The following CLUH variants were observed in gnomAD, a reference collection of about 807,000 sequenced individuals.
The protein encoded by CLUH is CLUH binding protein of NUMT mRNA.
In CLUH, 77 loss-of-function variants were observed where a neutral mutation model predicts 139.3. That is an observed-to-expected ratio of 0.55 (90% CI 0.46 to 0.67). CLUH has a LOEUF of 0.67. Ranked by LOEUF, CLUH falls within the 30% of genes least tolerant of loss-of-function variation. The probability of loss-of-function intolerance (pLI) is 0.00; values close to 1 mark genes in which losing one functional copy is unlikely to be tolerated. For synonymous variants in CLUH, 999 were observed against 801.6 expected (o/e 1.25, Z -4.16); for missense variants, 1,876 against 1,875.8 (o/e 1.00, Z 0.00).
intron 17 of CLUH, 35 bp downstream of exon 17, chr17:2,694,423 AGGGACGCAGCGGGGACACAGCG>A (rs1421295371): frequency 5.9e-5 from 73 of 1,247,722 alleles, no homozygotes; most frequent in Middle Eastern, 4.9e-4. Context: ...AGCCTGCAGC[AGGGACGCAGCGGGGACACAGCG>A]GGGACACAGC....
rs893853870 is a variant in CLUH, at chr17:2,711,620, G to A, written c.42C>T (p.Ala14=). Residue 14 remains alanine (A), a synonymous_variant, in exon 1 of 26, where the codon GCC becomes GCT. Coordinates refer to ENST00000651024, the MANE Select transcript of CLUH (RefSeq NM_001366661.1). ...KTDELPAAAP[A]DSAREHGSQA... is the part of the protein sequence containing the mutation. ...GCGAGCCGTGTTCCCGGGCGCTGTC[G>A]GCCGGGGCGGCCGCCGGCAACTCGT... 1.0e-6 allele frequency: 1 copy of A among 983,838 alleles called. No homozygotes were observed. The highest frequency in any genetic ancestry group is 1.2e-6 in the Non-Finnish European group (1 of 829,502). 60.9% of individuals were successfully genotyped at this position (983,838 alleles called of 1,614,324 possible).
intron 13 of CLUH, 36 bp downstream of exon 13, chr17:2,696,123 C>T (rs1049437129): frequency 6.6e-7 from 1 of 1,504,306 alleles, no homozygotes; most frequent in Non-Finnish European, 9.0e-7. Flanking sequence ...GCACCCTCCA[C>T]ACAAGCCCCA....
In CLUH at chr17:2,704,562, G is replaced by C. The variant is rs751413151; in HGVS notation, c.103C>G (p.Leu35Val). The C allele has an allele frequency of 6.4e-7, 1 of 1,555,208 alleles. No individual in the cohort carries two copies. Among genetic ancestry groups the C allele is most frequent in the Non-Finnish European group, 8.7e-7 (1 of 1,150,368 alleles). The change falls in exon 2 of 26, where the codon CTG becomes GTG. Residue 35 changes from leucine (L) to valine (V), a missense_variant and splice_region_variant. Transcript: ENST00000651024. The surrounding 1 kb of genome is among the most constrained non-coding windows in gnomAD (Gnocchi z 5.7). The stretch of plus-strand genomic sequence containing the variant: ...CCGTTTAAGAGCATGACTGATGGCA[G>C]CTCTGCGGGTGACAAGAACGGGTCA... ...GGKGRPGAAE[L>V]PSVMLLNGDC...
At chr17:2,690,827 C>T (rs2069596821) in intron 25 of CLUH, 50 bp from the exon 26 acceptor site, 2 of 1,366,308 alleles carry the variant, frequency 1.5e-6, no homozygotes, top group Middle Eastern at 2.7e-4. Flanking sequence ...GTCCTGGGGG[C>T]TCCACCCGCC....
chr17:2,704,521 G>C lies in CLUH; in HGVS notation c.144C>G (p.Ser48Arg). Residue 48 changes from serine (S) to arginine (R), a missense_variant, in exon 2 of 26, where the codon AGC (serine) becomes AGG (arginine). Ser to Arg is a moderately radical substitution (Grantham distance 110). Coordinates refer to ENST00000651024, the MANE Select transcript of CLUH (RefSeq NM_001366661.1). The surrounding 1 kb of genome is among the most constrained non-coding windows in gnomAD (Gnocchi z 5.7). ...VMLLNGDCPE[S>R]LKKEAAAAEP... ...CGGCCGCCGCCGCCTCCTTCTTCAG[G>C]CTCTCTGGGCAGTCCCCGTTTAAGA... 1 of 1,580,918 alleles carries C rather than the reference G, an allele frequency of 6.3e-7. No homozygotes were observed. The highest frequency in any genetic ancestry group is 1.2e-5 in the South Asian group (1 of 86,524).
Position 2,701,668 on chromosome 17 carries a change from G to C in CLUH, c.689C>G (p.Pro230Arg), listed in dbSNP as rs2151714494. 6.2e-7 allele frequency: 1 copy of C among 1,600,720 alleles called. No individual in the cohort carries two copies. Among genetic ancestry groups the C allele is most frequent in the African/African-American group, 1.3e-5 (1 of 74,804 alleles). Residue 230 changes from proline to arginine, a missense_variant, in exon 5 of 26, where the codon CCA becomes CGA. Coordinates refer to ENST00000651024, the MANE Select transcript of CLUH (RefSeq NM_001366661.1). Reference sequence around the variant, plus strand: ...ACACAGTGGCCGCTCCCGGCTCCCTGGCAGGATGTACTCGGGTGGTGTGCA... The same window carrying C: ...ACACAGTGGCCGCTCCCGGCTCCCTCGCAGGATGTACTCGGGTGGTGTGCA... ...IDCTPPEYIL[P>R]GSRERPLCPL...
chr17:2,707,608 G>T lies in CLUH; in HGVS notation c.101-3044C>A. 1 of 985,376 alleles carries T rather than the reference G, an allele frequency of 1.0e-6. No homozygotes were observed. The allele number at this position is 985,376 out of a possible 1,614,324, so 61.0% of individuals were successfully genotyped here. On this transcript the variant is annotated intron_variant, in intron 1 of 25. Coordinates refer to ENST00000651024, the MANE Select transcript of CLUH (RefSeq NM_001366661.1). This position sits in a 1 kb window ranked among gnomAD's most constrained non-coding sequence, Gnocchi z 7.4. ...GTACCTGGACCCCTCAAGATTGAGGGCCTAGGAGACTGGCTGGCAGGGGCA... is the reference window on the plus strand; with the variant it reads ...GTACCTGGACCCCTCAAGATTGAGGTCCTAGGAGACTGGCTGGCAGGGGCA...
chr17:2,692,712 A>G lies in CLUH; in HGVS notation c.3313-16T>C. 6.2e-7 allele frequency: 1 copy of G among 1,608,580 alleles called. No homozygotes were observed. Among genetic ancestry groups the G allele is most frequent in the Non-Finnish European group, 8.5e-7 (1 of 1,177,058 alleles). On this transcript the variant is annotated splice_polypyrimidine_tract_variant and intron_variant, in intron 20 of 25. Transcript: ENST00000651024. ...CCAGGTGCATCTGCGGGCGGGGCGG[A>G]GACAGGTCAGGGTGGCCGCGGACCC...
intron 5 of CLUH, 22 bp downstream of exon 5, chr17:2,701,591 C>T (rs145263707): frequency 1.2e-6 from 2 of 1,610,580 alleles, no homozygotes; most frequent in Non-Finnish European, 1.7e-6. Flanking sequence ...GGACCCTCTT[C>T]CTCCCTCCCC....
Position 2,701,194 on chromosome 17 carries a change from A to G in CLUH, c.971T>C (p.Leu324Pro). 6.2e-7 allele frequency: 1 copy of G among 1,613,960 alleles called. No homozygotes were observed. The highest frequency in any genetic ancestry group is 8.5e-7 in the Non-Finnish European group (1 of 1,179,884). Reference protein sequence around the residue: ...RFLSHSLVELLNQISPTFKKN... With the variant: ...RFLSHSLVELPNQISPTFKKN... Reference sequence around the variant, plus strand: ...CTTGAAGGTCGGGCTGATCTGGTTGAGCAGCTCCACTAGGGAATGGCTTAG... The same window carrying G: ...CTTGAAGGTCGGGCTGATCTGGTTGGGCAGCTCCACTAGGGAATGGCTTAG... Residue 324 changes from leucine to proline, a missense_variant, in exon 7 of 26, where the codon CTC (leucine) becomes CCC (proline). Physicochemically the swap from Leu to Pro is moderately conservative, Grantham distance 98. Around this residue, in one of 3 missense-constraint regions of CLUH, gnomAD observed 270 missense variants for 354.7 expected, o/e 0.76. Coordinates refer to ENST00000651024, the MANE Select transcript of CLUH (RefSeq NM_001366661.1).
chr17:2,703,358 G>A lies in CLUH; in HGVS notation c.435C>T (p.Val145=), dbSNP rs367853632. 1.4e-5 allele frequency: 23 copies of A among 1,612,864 alleles called. No individual in the cohort carries two copies. Among genetic ancestry groups the A allele is most frequent in the South Asian group, 6.6e-5 (6 of 90,834 alleles). ...GCACAGAGCCCTCCTGCAGCCCCTC[G>A]ACGCTGCGCAGCTCCGAGAAGTGGT... ...VLDHFSELRS[V]EGLQEGSVLR... is the part of the protein sequence containing the mutation. Residue 145 remains valine, a synonymous_variant, in exon 3 of 26, where the codon GTC becomes GTT. Transcript: ENST00000651024. This position sits in a 1 kb window ranked among gnomAD's most constrained non-coding sequence, Gnocchi z 4.2.
intron 22 of CLUH, 99 bp downstream of exon 22, chr17:2,692,262 C>T (rs1032635578): frequency 6.9e-6 from 10 of 1,455,772 alleles, no homozygotes; most frequent in Non-Finnish European, 9.1e-6. Flanking sequence ...GAAATTTTCT[C>T]GGGTGGAGGA....
At chr17:2,693,188 G>A (rs2069783772) in intron 19 of CLUH, among the ~76,000 whole-genome samples, 2 of 140,980 alleles carry the variant, frequency 1.4e-5, no homozygotes, top group Admixed American at 7.1e-5. Flanking sequence ...TTGAGGTCAG[G>A]AGTTTGAGAC....
intron 13 of CLUH, 71 bp downstream of exon 13, chr17:2,696,088 C>T (rs1310056999): frequency 1.6e-6 from 2 of 1,281,392 alleles, no homozygotes; most frequent in Admixed American, 2.1e-5. Flanking sequence ...CATGGGCCTC[C>T]AAGTCGGAGA....
rs188879127 is a variant in CLUH at position 2,694,417 on chromosome 17, T to C, written c.2937+63A>G. ...GTGGCCCTGGCCAGGAGTGGGAGCC[T>C]GCAGCAGGGACGCAGCGGGGACACA... is the stretch of plus-strand genomic sequence containing the variant. On this transcript the variant is annotated intron_variant, in intron 17 of 25. Transcript: ENST00000651024. The C allele has an allele frequency of 8.8e-4, 1,314 of 1,496,368 alleles. 8 individuals carry two copies. In the African/African-American group the frequency reaches 0.016, roughly 18 times the overall value. 92.7% of individuals were successfully genotyped at this position (1,496,368 alleles called of 1,614,324 possible).
At chr17:2,701,104 G>A in intron 7 of CLUH, 36 bp downstream of exon 7, 1 of 1,613,242 alleles carries the variant, frequency 6.2e-7, no homozygotes, top group Non-Finnish European at 8.5e-7. Context: ...GCCCCCGTGT[G>A]CCATGAGACA....
At position 2,689,921 on chromosome 17, in the gene CLUH, C is replaced by G. The variant is rs1567571528; in HGVS notation, c.*673G>C. The G allele has an allele frequency of 6.5e-6, 1 of 152,730 alleles. No individual in the cohort carries two copies. The highest frequency in any genetic ancestry group is 1.5e-5 in the Non-Finnish European group (1 of 68,208). The allele number at this position is 152,730 out of a possible 1,614,324, so 9.5% of individuals were successfully genotyped here. A position where few individuals can be genotyped will look rare whatever the true frequency, so the allele number is the denominator to read the frequency against. ...GAGTAGGGAGCCGAGTCAGAGCCAC[C>G]CACTGGGCTCTGAGGGCCCAGCAAG... On this transcript the variant is annotated 3_prime_UTR_variant, in exon 26 of 26. Transcript: ENST00000651024.
In CLUH at chr17:2,706,014, G is replaced by A. The variant is rs1394047005; in HGVS notation, c.101-1450C>T. On this transcript the variant is annotated intron_variant, in intron 1 of 25. Coordinates refer to ENST00000651024, the MANE Select transcript of CLUH (RefSeq NM_001366661.1). This position sits in a 1 kb window ranked among gnomAD's most constrained non-coding sequence, Gnocchi z 4.6. ...GGGCCAGGCTCACCTGCCTGGCTTGGCTTGAAGTTCAACGGTCCCAACTCT... is the reference window on the plus strand; with the variant it reads ...GGGCCAGGCTCACCTGCCTGGCTTGACTTGAAGTTCAACGGTCCCAACTCT... Among the ~76,000 whole-genome samples, 1 of 152,110 alleles carries A rather than the reference G, an allele frequency of 6.6e-6. No individual in the cohort carries two copies.
Position 2,696,829 on chromosome 17 carries a change from G to A in CLUH, c.2075C>T (p.Ser692Phe), listed in dbSNP as rs544624679. 74 of 1,613,596 alleles carry A rather than the reference G, an allele frequency of 4.6e-5. No individual in the cohort carries two copies. In the South Asian group the frequency reaches 7.4e-4, roughly 16 times the overall value. Reference sequence around the variant, plus strand: ...CGCCTCCTGTCCTGGAGGATCCTCAGACTTGGACTCCAAGGAGGAAGGACC... The same window carrying A: ...CGCCTCCTGTCCTGGAGGATCCTCAAACTTGGACTCCAAGGAGGAAGGACC... ...NGGPSSLESK[S>F]EDPPGQEAGS... Residue 692 changes from serine to phenylalanine, a missense_variant, in exon 11 of 26, where the codon TCT (serine) becomes TTT (phenylalanine). By Grantham distance (155) the Ser-to-Phe change is radical (BLOSUM62 -2). This residue lies in a region of CLUH where 1,454 missense variants were observed against 1,384.4 expected (regional missense o/e 1.05). Transcript: ENST00000651024.
Sources: allele counts gnomAD v4.1 joint callset (sites outside exome capture counted in the v4.1 genomes callset), GRCh38; gene constraint gnomAD v4.1.1; regional missense constraint gnomAD v4.1.1; non-coding constraint Gnocchi (gnomAD v3.1); transcripts MANE v1.5; gene names NCBI Gene and HGNC (gene_info 2026-07-23, HGNC 2026-07-21).